The following WDR89 variants were observed in gnomAD, a reference collection of about 807,000 sequenced individuals.
WDR89 encodes the protein WD repeat-containing protein 89.
WDR89 carries 17 observed loss-of-function variants against 29.1 expected under a neutral mutation model. That is an observed-to-expected ratio of 0.58 (90% CI 0.40 to 0.88). WDR89 has a LOEUF of 0.88. Among genes scored for constraint, WDR89 ranks in the 40% least tolerant of loss-of-function variants. WDR89 has a pLI of 0.00. For synonymous variants in WDR89, 138 were observed against 157.8 expected (o/e 0.87, Z 0.94); for missense variants, 396 against 456.3 (o/e 0.87, Z 1.20).
intron 1 of WDR89, among the ~76,000 whole-genome samples, chr14:63,635,787 A>G (rs146528704): frequency 6.6e-4 from 101 of 152,354 alleles, no homozygotes; most frequent in African/African-American, 2.3e-3. Flanking sequence ...AAACTTTTGG[A>G]TACAAGATTA....
At chr14:63,613,505 T>C (rs77592437) in intron 2 of WDR89, among the ~76,000 whole-genome samples, 1 of 115,604 alleles carries the variant, frequency 8.7e-6, no homozygotes, top group African/African-American at 4.7e-5. Flanking sequence ...ACTGCTGAAT[T>C]TTTTTTTTTT....
chr14:63,628,592 G>A (rs1178413665), intron 1 of WDR89, among the ~76,000 whole-genome samples: 1 of 152,176 alleles, frequency 6.6e-6, no homozygotes, highest in Non-Finnish European at 1.5e-5. Flanking sequence ...TTTAAAAAGT[G>A]AGCAATGCAA....
chr14:63,625,271 G>C (rs1882958429), intron 1 of WDR89, among the ~76,000 whole-genome samples: 1 of 152,152 alleles, frequency 6.6e-6, no homozygotes, highest in East Asian at 1.9e-4. Context: ...ATAGGAACTG[G>C]TTGTTAGGGG....
At chr14:63,611,702 C>A (rs1036581300) in intron 2 of WDR89, among the ~76,000 whole-genome samples, 1 of 150,994 alleles carries the variant, frequency 6.6e-6, no homozygotes, top group African/African-American at 2.4e-5. Context: ...TTATCCCCCC[C>A]AAAAAAAAAT....
chr14:63,625,719 T>C (rs1353043084), intron 1 of WDR89, among the ~76,000 whole-genome samples: 5 of 152,312 alleles, frequency 3.3e-5, no homozygotes, highest in Admixed American at 1.3e-4. Context: ...CCTAGATTTG[T>C]AGACCTTACA....
intron 1 of WDR89, among the ~76,000 whole-genome samples, chr14:63,634,214 C>G (rs1010875173): frequency 6.6e-6 from 1 of 152,172 alleles, no homozygotes; most frequent in Admixed American, 6.5e-5. Flanking sequence ...TGGCGAAACC[C>G]TGTCTCTACT....
At chr14:63,609,405 C>G (rs1056616586) in intron 2 of WDR89, among the ~76,000 whole-genome samples, 3 of 152,132 alleles carry the variant, frequency 2.0e-5, no homozygotes, top group Admixed American at 6.6e-5. Flanking sequence ...AAATAAACAA[C>G]TCTCAAATCT....
intron 2 of WDR89, among the ~76,000 whole-genome samples, chr14:63,614,806 ATGC>A (rs1882207145): frequency 6.6e-6 from 1 of 152,222 alleles, no homozygotes; most frequent in Non-Finnish European, 1.5e-5. Flanking sequence ...AGTGGAAGGT[ATGC>A]TAAACTGACA....
At chr14:63,635,079 T>C (rs1259792112) in intron 1 of WDR89, among the ~76,000 whole-genome samples, 1 of 151,986 alleles carries the variant, frequency 6.6e-6, no homozygotes, top group African/African-American at 2.4e-5. Context: ...ACCAATCCTT[T>C]TGACACTATT....
intron 2 of WDR89, among the ~76,000 whole-genome samples, chr14:63,603,715 C>T (rs1355769826): frequency 6.6e-6 from 1 of 152,178 alleles, no homozygotes; most frequent in African/African-American, 2.4e-5. Flanking sequence ...TGATAGGACC[C>T]CATCAGTCTG....
intron 1 of WDR89, among the ~76,000 whole-genome samples, chr14:63,625,961 C>T (rs937674720): frequency 3.3e-5 from 5 of 151,454 alleles, no homozygotes; most frequent in Non-Finnish European, 7.4e-5. Flanking sequence ...TCAAGCGATT[C>T]TCCTTCCTCA....
Position 63,599,540 on chromosome 14 carries a change from C to A in WDR89, c.403G>T (p.Glu135Ter), listed in dbSNP as rs1244615193. The A allele has an allele frequency of 6.2e-7, 1 of 1,614,170 alleles. No individual in the cohort carries two copies. Among genetic ancestry groups the A allele is most frequent in the Non-Finnish European group, 8.5e-7 (1 of 1,180,018 alleles). The change falls in exon 3 of 3, where the codon GAA (glutamate) becomes TAA (stop). Residue 135 changes from glutamate to a stop codon, truncating the protein, a stop_gained. Coordinates refer to ENST00000620954, the MANE Select transcript of WDR89 (RefSeq NM_080666.4). LOFTEE classifies it high-confidence loss of function. ...AACAATGCATCATCATCAACTTTTTCTGTACCAGCACAAATAATATGATCA... is the reference window on the plus strand; with the variant it reads ...AACAATGCATCATCATCAACTTTTTATGTACCAGCACAAATAATATGATCA... ...CNDHIICAGT[E>*]KVDDDALLVF...
chr14:63,613,821 CTTTTTTTT>C (rs751893850), intron 2 of WDR89, among the ~76,000 whole-genome samples: 1 of 121,068 alleles, frequency 8.3e-6, no homozygotes, highest in African/African-American at 3.0e-5. Context: ...TTTTAAACAT[CTTTTTTTT>C]TTTTTTTTTT....
At position 63,608,994 on chromosome 14, in the gene WDR89, G is replaced by A. The variant is rs112324480; in HGVS notation, c.-31-9021C>T. Among the ~76,000 whole-genome samples the A allele has an allele frequency of 7.6e-3, 1,160 of 152,164 alleles. 11 individuals carry two copies. Among genetic ancestry groups the A allele is most frequent in the African/African-American group, 0.026 (1,073 of 41,498 alleles). ...TGCACTTGTAGTCCCAGCTACTCAG[G>A]AGGCTGAGGCAGGGGAATGAGGCAA... On this transcript the variant is annotated intron_variant, in intron 2 of 2. Transcript: ENST00000620954.
chr14:63,619,109 G>A (rs1461366168), intron 2 of WDR89, among the ~76,000 whole-genome samples: 1 of 152,196 alleles, frequency 6.6e-6, no homozygotes, highest in East Asian at 1.9e-4. Context: ...AGCACCAACG[G>A]TCGGCAGGTG....
chr14:63,605,152 GTCTCTC>G (rs746030363), intron 2 of WDR89, among the ~76,000 whole-genome samples: 2 of 137,766 alleles, frequency 1.5e-5, no homozygotes, highest in Non-Finnish European at 3.0e-5. Context: ...CGTGCTGTCT[GTCTCTC>G]TCTCTCTCTA....
chr14:63,630,746 G>C (rs116409293), intron 1 of WDR89: 2 of 151,448 alleles, frequency 1.3e-5, no homozygotes, highest in Non-Finnish European at 1.5e-5. Flanking sequence ...CTTGCACACG[G>C]ATGACATGAA....
At chr14:63,630,161 T>C (rs1883305495) in intron 1 of WDR89, among the ~76,000 whole-genome samples, 1 of 150,986 alleles carries the variant, frequency 6.6e-6, no homozygotes, top group Admixed American at 6.6e-5. Context: ...TTGGCCAGGC[T>C]GGTCTCGAAC....
At position 63,617,235 on chromosome 14, in the gene WDR89, T is replaced by A. The variant is rs553657650; in HGVS notation, c.-32+7693A>T. ...CTCGGATTACAGGCATGCACCACCATGTCTGGCTATATATTTTTTGTATTT... is the reference window on the plus strand; with the variant it reads ...CTCGGATTACAGGCATGCACCACCAAGTCTGGCTATATATTTTTTGTATTT... On this transcript the variant is annotated intron_variant, in intron 2 of 2. Transcript: ENST00000620954. Among the ~76,000 whole-genome samples, 448 of 151,846 alleles carry A rather than the reference T, an allele frequency of 3.0e-3. 1 individual carries two copies. The highest frequency in any genetic ancestry group is 6.4e-3 in the Admixed American group (98 of 15,212).
Sources: gnomAD v4.1 joint callset for allele counts (sites outside exome capture counted in the v4.1 genomes callset) on GRCh38, gnomAD v4.1.1 for gene constraint, MANE v1.5 for transcripts, NCBI Gene and HGNC (gene_info 2026-07-23, HGNC 2026-07-21) for gene names.